The following ARHGAP15 variants were observed in gnomAD, a reference collection of about 807,000 sequenced individuals.
ARHGAP15 encodes Rho GTPase activating protein 15, also known as rho GTPase-activating protein 15.
In ARHGAP15, 51 loss-of-function variants were observed where a neutral mutation model predicts 63.7. The observed-to-expected ratio is 0.80, with a 90% CI of 0.64 to 1.01. ARHGAP15 has a LOEUF of 1.01. ARHGAP15 is among the 50% of genes least tolerant of loss of function. ARHGAP15 has a pLI of 0.00. For missense variants in ARHGAP15, 560 were observed against 564.6 expected (o/e 0.99, Z 0.08); for synonymous variants, 191 against 193.8 (o/e 0.99, Z 0.12).
At chr2:143,710,401 T>G (rs549061099) in intron 13 of ARHGAP15, among the ~76,000 whole-genome samples, 1 of 152,332 alleles carries the variant, frequency 6.6e-6, no homozygotes, top group South Asian at 2.1e-4. Context: ...CTCCCCATAG[T>G]AATCATTAAA....
intron 2 of ARHGAP15, among the ~76,000 whole-genome samples, chr2:143,166,813 GA>G (rs781485745): frequency 4.4e-4 from 67 of 152,122 alleles, no homozygotes; most frequent in African/African-American, 1.6e-3. Context: ...TGCGCACTTT[GA>G]CCTATTTCCT....
chr2:143,528,324 C>T (rs1694369710), intron 10 of ARHGAP15, among the ~76,000 whole-genome samples: 1 of 152,020 alleles, frequency 6.6e-6, no homozygotes, highest in Non-Finnish European at 1.5e-5. Context: ...CTTGGAATGC[C>T]ATGTTAGTGC....
chr2:143,614,336 T>C (rs992859274), intron 11 of ARHGAP15, among the ~76,000 whole-genome samples: 6 of 152,230 alleles, frequency 3.9e-5, no homozygotes, highest in African/African-American at 1.4e-4. Flanking sequence ...CTATGAAATC[T>C]TTGAGCATAG....
chr2:143,585,633 T>A (rs561239459), intron 11 of ARHGAP15, among the ~76,000 whole-genome samples: 6 of 152,314 alleles, frequency 3.9e-5, no homozygotes, highest in South Asian at 2.1e-4. Flanking sequence ...AAATGTTTAT[T>A]TGACCCAAGA....
At chr2:143,140,366 G>T (rs543617302) in intron 1 of ARHGAP15, among the ~76,000 whole-genome samples, 2 of 152,150 alleles carry the variant, frequency 1.3e-5, no homozygotes, top group Non-Finnish European at 1.5e-5. Context: ...CTTTAATTAT[G>T]AAGAATTAAT....
At chr2:143,708,637 C>T (rs1474621808) in intron 13 of ARHGAP15, among the ~76,000 whole-genome samples, 4 of 151,976 alleles carry the variant, frequency 2.6e-5, no homozygotes, top group Admixed American at 6.6e-5. Flanking sequence ...CTCTTTTCAC[C>T]CTCCAAGTGA....
chr2:143,643,454 G>T (rs1172478041), intron 12 of ARHGAP15, among the ~76,000 whole-genome samples: 1 of 123,014 alleles, frequency 8.1e-6, no homozygotes, highest in Admixed American at 1.1e-4. Flanking sequence ...AAAAGTTATA[G>T]AGTGTTACTG....
chr2:143,253,221 T>C (rs1271519198), intron 6 of ARHGAP15, among the ~76,000 whole-genome samples: 2 of 143,736 alleles, frequency 1.4e-5, no homozygotes, highest in Non-Finnish European at 3.2e-5. Context: ...AAAAGTTTGA[T>C]GGATTAGCAA....
rs548075318 is a variant in ARHGAP15 at position 143,526,278 on chromosome 2, G to A, written c.925+6914G>A. 4.6e-5 allele frequency among the ~76,000 whole-genome samples: 7 copies of A among 152,184 alleles called. No homozygotes were observed. The East Asian group carries it at 1.3e-3, about 29-fold the overall frequency. On this transcript the variant is annotated intron_variant, in intron 10 of 13. Coordinates refer to ENST00000295095, the MANE Select transcript of ARHGAP15 (RefSeq NM_018460.4). ...CCAGAGAGGCTATCTAAGAAATACA[G>A]CAATGTGGCTCTGGTCAAATCAGTC...
At chr2:143,486,146 T>C (rs1692314242) in intron 8 of ARHGAP15, among the ~76,000 whole-genome samples, 1 of 152,124 alleles carries the variant, frequency 6.6e-6, no homozygotes. Context: ...TCTATATTTA[T>C]TAAAAAGAAT....
chr2:143,366,962 A>G (rs1016681204), intron 6 of ARHGAP15, among the ~76,000 whole-genome samples: 2 of 152,092 alleles, frequency 1.3e-5, no homozygotes, highest in African/African-American at 4.8e-5. Context: ...ATATTTTTCA[A>G]AGTGTCCTGT....
chr2:143,497,295 G>C (rs1692858681), intron 9 of ARHGAP15, among the ~76,000 whole-genome samples: 1 of 152,176 alleles, frequency 6.6e-6, no homozygotes, highest in Admixed American at 6.5e-5. Context: ...TCAGGCTAGG[G>C]TGGTAGTTCC....
chr2:143,320,402 T>TC (rs1683951672), intron 6 of ARHGAP15, among the ~76,000 whole-genome samples: 1 of 9,516 alleles, frequency 1.1e-4, no homozygotes, highest in Non-Finnish European at 2.4e-4. Context: ...AAATCAGGAC[T>TC]TCCCCACCCC....
intron 6 of ARHGAP15, among the ~76,000 whole-genome samples, chr2:143,414,067 G>T (rs1010513159): frequency 2.0e-5 from 3 of 151,042 alleles, no homozygotes; most frequent in African/African-American, 7.3e-5. Context: ...ATTTTTAGAG[G>T]ACTATTAATC....
intron 6 of ARHGAP15, among the ~76,000 whole-genome samples, chr2:143,323,364 A>G (rs985473062): frequency 1.3e-5 from 2 of 152,312 alleles, no homozygotes; most frequent in African/African-American, 2.4e-5. Context: ...TTCTTCAGGA[A>G]TCTTTAGGAT....
chr2:143,339,043 A>AT (rs968875363), intron 6 of ARHGAP15, among the ~76,000 whole-genome samples: 4 of 151,942 alleles, frequency 2.6e-5, no homozygotes, highest in South Asian at 2.1e-4. Flanking sequence ...ATAGCTATCC[A>AT]TTTTTTTTCA....
At chr2:143,643,227 C>T (rs537407247) in intron 12 of ARHGAP15, among the ~76,000 whole-genome samples, 55 of 152,080 alleles carry the variant, frequency 3.6e-4, no homozygotes, top group Non-Finnish European at 5.9e-5. Flanking sequence ...CAGGAAACCC[C>T]ATTGTGATTT....
At chr2:143,227,751 T>G (rs1693272421) in intron 4 of ARHGAP15, among the ~76,000 whole-genome samples, 1 of 152,202 alleles carries the variant, frequency 6.6e-6, no homozygotes, top group Admixed American at 6.5e-5. Flanking sequence ...CTATCTTTTT[T>G]ATATTTTATG....
chr2:143,273,157 A>G (rs905372495), intron 6 of ARHGAP15, among the ~76,000 whole-genome samples: 1 of 152,154 alleles, frequency 6.6e-6, no homozygotes, highest in Non-Finnish European at 1.5e-5. Flanking sequence ...TGTGAACACT[A>G]TATTATTTTA....
Sources: allele counts gnomAD v4.1 joint callset (sites outside exome capture counted in the v4.1 genomes callset), GRCh38; gene constraint gnomAD v4.1.1; transcripts MANE v1.5; gene names NCBI Gene and HGNC (gene_info 2026-07-23, HGNC 2026-07-21).